CFAP65: variants seen among roughly 807,000 people sequenced by gnomAD.
The protein encoded by CFAP65 is cilia- and flagella-associated protein 65.
A neutral mutation model predicts 208.0 loss-of-function variants in CFAP65; 155 were observed. The ratio of observed to expected loss-of-function variants is 0.75; its 90% CI spans 0.65 to 0.85. The LOEUF is 0.85. Ranked by LOEUF, CFAP65 falls within the 40% of genes least tolerant of loss-of-function variation. The probability of loss-of-function intolerance (pLI) is 0.00; values close to 1 mark genes in which losing one functional copy is unlikely to be tolerated. For missense variants in CFAP65, 2,294 were observed against 2,451.3 expected (o/e 0.94, Z 1.36); for synonymous variants, 970 against 986.3 (o/e 0.98, Z 0.31).
chr2:219,029,686 G>A lies in CFAP65; in HGVS notation c.1385-18C>T. 6.2e-7 allele frequency: 1 copy of A among 1,607,762 alleles called. No homozygotes were observed. Among genetic ancestry groups the A allele is most frequent in the Non-Finnish European group, 8.5e-7 (1 of 1,175,520 alleles). ...AGCAGGGCCTGGACACAGGAGATGG[G>A]GTATCAGCTTCCCCAAGGATATCTT... On this transcript the variant is annotated intron_variant, in intron 10 of 34. Transcript: ENST00000341552.
At chr2:219,023,478 C>A (rs191881042) in intron 15 of CFAP65, 47 bp from the exon 16 acceptor site, 963 of 1,347,462 alleles carry the variant, frequency 7.1e-4, no homozygotes, top group Admixed American at 9.5e-4. Flanking sequence ...ACTCTGCAGT[C>A]CCAGCCCCCC....
chr2:219,003,834 G>T lies in CFAP65; in HGVS notation c.5555+118C>A. 8.0e-7 allele frequency: 1 copy of T among 1,251,594 alleles called. No individual in the cohort carries two copies. The highest frequency in any genetic ancestry group is 1.1e-6 in the Non-Finnish European group (1 of 895,270). The allele number at this position is 1,251,594 out of a possible 1,614,324, so 77.5% of individuals were successfully genotyped here. A position where few individuals can be genotyped will look rare whatever the true frequency, so the allele number is the denominator to read the frequency against. On this transcript the variant is annotated intron_variant, in intron 33 of 34. Transcript: ENST00000341552. The surrounding 1 kb of genome is among the most constrained non-coding windows in gnomAD (Gnocchi z 4.4). ...TAAGCTACCAACATGACCTCACTAA[G>T]CACTGAATTAGGATGAGATGTGCAT... is the stretch of plus-strand genomic sequence containing the variant.
At chr2:219,017,120 G>T (rs1452614352) in intron 21 of CFAP65, among the ~76,000 whole-genome samples, 2 of 152,232 alleles carry the variant, frequency 1.3e-5, no homozygotes, top group Admixed American at 6.5e-5. Flanking sequence ...AAGAGACTGG[G>T]CCCATCCACA....
chr2:219,009,117 T>C lies in CFAP65; in HGVS notation c.4604A>G (p.Glu1535Gly). The change falls in exon 29 of 35, where the codon GAG becomes GGG. Residue 1535 changes from glutamate to glycine, a missense_variant. Transcript: ENST00000341552. ...SQQLMRQYHK[E>G]LQEWKDEKVR... ...CTTCTCGTCCTTCCACTCCTGCAGC[T>C]CCTTGTGATACTGCCTCATGAGCTG... The C allele has an allele frequency of 6.2e-7, 1 of 1,612,886 alleles. No homozygotes were observed. Among genetic ancestry groups the C allele is most frequent in the East Asian group, 2.2e-5 (1 of 44,886 alleles).
At chr2:219,029,718 A>T (rs1314158243) in intron 10 of CFAP65, 50 bp from the exon 11 acceptor site, 1 of 1,586,780 alleles carries the variant, frequency 6.3e-7, no homozygotes, top group Non-Finnish European at 8.6e-7. Flanking sequence ...TCTTAGACAA[A>T]GTTCCACTGA....
At chr2:219,012,193 T>C (rs892778432) in intron 24 of CFAP65, among the ~76,000 whole-genome samples, 3 of 152,242 alleles carry the variant, frequency 2.0e-5, no homozygotes, top group African/African-American at 7.2e-5. Context: ...ACCCAATCTA[T>C]GGTAACTTGT....
intron 21 of CFAP65, among the ~76,000 whole-genome samples, chr2:219,017,293 C>T (rs1383138204): frequency 6.6e-6 from 1 of 152,224 alleles, no homozygotes; most frequent in Non-Finnish European, 1.5e-5. Context: ...AAGGCCAGGG[C>T]CAGGTAAAGC....
At position 219,027,769 on chromosome 2, in the gene CFAP65, C is replaced by T. The variant is rs371180100; in HGVS notation, c.2092G>A (p.Val698Met). 1.2e-6 allele frequency: 2 copies of T among 1,613,974 alleles called. No individual in the cohort carries two copies. The highest frequency in any genetic ancestry group is 1.3e-5 in the African/African-American group (1 of 74,918). Reference sequence around the variant, plus strand: ...GGCACGTCGCAGCTCTCTGGAGTCACCCAGAAGGGGCAGTCAGACCTTCGC... The same window carrying T: ...GGCACGTCGCAGCTCTCTGGAGTCATCCAGAAGGGGCAGTCAGACCTTCGC... ...WTRRSDCPFW[V>M]TPESCDVPPL... The change falls in exon 13 of 35, where the codon GTG becomes ATG. Residue 698 changes from valine (V) to methionine (M), a missense_variant. Val to Met is a conservative substitution (Grantham distance 21). Around this residue, in one of 2 missense-constraint regions of CFAP65, gnomAD observed 867 missense variants for 1,012.6 expected, o/e 0.86. Transcript: ENST00000341552.
rs754286606 is a variant in CFAP65 at position 219,009,115 on chromosome 2, G to C, written c.4606C>G (p.Leu1536Val). The C allele has an allele frequency of 1.6e-5, 25 of 1,612,822 alleles. No individual in the cohort carries two copies. The South Asian group carries it at 2.4e-4, about 16-fold the overall frequency. Residue 1536 changes from leucine (L) to valine (V), a missense_variant, in exon 29 of 35, where the codon CTG becomes GTG. Around this residue, in one of 2 missense-constraint regions of CFAP65, gnomAD observed 1,427 missense variants for 1,438.7 expected, o/e 0.99. Transcript: ENST00000341552. ...QQLMRQYHKE[L>V]QEWKDEKVRQ... is the part of the protein sequence containing the mutation. ...ACCTTCTCGTCCTTCCACTCCTGCA[G>C]CTCCTTGTGATACTGCCTCATGAGC...
chr2:219,022,744 C>T (rs1232903039), intron 16 of CFAP65, among the ~76,000 whole-genome samples: 3 of 152,320 alleles, frequency 2.0e-5, no homozygotes, highest in East Asian at 1.9e-4. Context: ...CTCCCCAACC[C>T]GTCGGTAAGG....
chr2:219,027,356 G>A (rs1670751459), intron 13 of CFAP65: 2 of 1,451,704 alleles, frequency 1.4e-6, no homozygotes, highest in Non-Finnish European at 9.1e-7. Flanking sequence ...CTAGCCAGGA[G>A]CCCCAGGGAG....
intron 21 of CFAP65, among the ~76,000 whole-genome samples, chr2:219,016,216 C>T (rs1326805019): frequency 6.6e-6 from 1 of 151,004 alleles, no homozygotes; most frequent in Non-Finnish European, 1.5e-5. Flanking sequence ...GGAGACCTTG[C>T]TAGTTTGGGG....
In CFAP65 at chr2:219,022,347, A is replaced by C; in HGVS notation, c.2821-18T>G. ...GTCAGCGTCTGGGGTCACAGAAATG[A>C]TCCCTGCAGTGGCCTTCGGAAGCCC... On this transcript the variant is annotated intron_variant, in intron 16 of 34. Coordinates refer to ENST00000341552, the MANE Select transcript of CFAP65 (RefSeq NM_194302.4). The C allele has an allele frequency of 6.3e-7, 1 of 1,584,226 alleles. No individual in the cohort carries two copies. Among genetic ancestry groups the C allele is most frequent in the Non-Finnish European group, 8.6e-7 (1 of 1,165,090 alleles).
rs778634556 is a variant in CFAP65 at position 219,031,128 on chromosome 2, G to A, written c.993C>T (p.Ser331=). Residue 331 remains serine, a synonymous_variant, in exon 8 of 35, where the codon AGC becomes AGT. Coordinates refer to ENST00000341552, the MANE Select transcript of CFAP65 (RefSeq NM_194302.4). This position sits in a 1 kb window ranked among gnomAD's most constrained non-coding sequence, Gnocchi z 5.2. ...CWYGAGSRQR[S]SIQLQAVAKC... is the part of the protein sequence containing the mutation. Reference sequence around the variant, plus strand: ...CACCCACAGCCTGCAGCTGGATGCTGCTCCTCTGCCGGCTGCCCGCCCCGT... The same window carrying A: ...CACCCACAGCCTGCAGCTGGATGCTACTCCTCTGCCGGCTGCCCGCCCCGT... The A allele has an allele frequency of 1.1e-5, 18 of 1,597,250 alleles. No homozygotes were observed. Among genetic ancestry groups the A allele is most frequent in the Non-Finnish European group, 1.5e-5 (17 of 1,171,992 alleles).
At position 219,004,445 on chromosome 2, in the gene CFAP65, C is replaced by A. The variant is rs1195817852; in HGVS notation, c.5062G>T (p.Glu1688Ter). The A allele has an allele frequency of 6.2e-7, 1 of 1,607,462 alleles. No individual in the cohort carries two copies. The change falls in exon 33 of 35, where the codon GAA (glutamate) becomes TAA (stop). Residue 1688 changes from glutamate to a stop codon, truncating the protein, a stop_gained. Coordinates refer to ENST00000341552, the MANE Select transcript of CFAP65 (RefSeq NM_194302.4). LOFTEE classifies it high-confidence loss of function. The surrounding 1 kb of genome is among the most constrained non-coding windows in gnomAD (Gnocchi z 4.7). ...ILTTIIRGLL[E>*]DKNFHEAVDQ... is the part of the protein sequence containing the mutation. ...ACAGCCTCATGGAAGTTCTTGTCTT[C>A]CAGCAGGCCCCTAGGTGGCAGGGAG... is the stretch of plus-strand genomic sequence containing the variant.
intron 30 of CFAP65, 116 bp downstream of exon 30, chr2:219,006,349 G>T: frequency 1.3e-6 from 2 of 1,489,114 alleles, no homozygotes; most frequent in Non-Finnish European, 1.9e-6. Context: ...CCACTCATTG[G>T]CACTTTCATC....
intron 16 of CFAP65, 56 bp downstream of exon 16, chr2:219,023,151 A>G (rs1947378951): frequency 6.8e-7 from 1 of 1,461,920 alleles, no homozygotes; most frequent in African/African-American, 1.4e-5. Context: ...ATAGGCACAA[A>G]TAAGAGATGA....
intron 24 of CFAP65, among the ~76,000 whole-genome samples, chr2:219,012,056 C>T (rs985535612): frequency 6.6e-6 from 1 of 152,316 alleles, no homozygotes; most frequent in South Asian, 2.1e-4. Context: ...AGCCACTGAA[C>T]CAGGAAGTGG....
At chr2:219,030,603 A>T in intron 9 of CFAP65, 86 bp downstream of exon 9, 1 of 1,526,434 alleles carries the variant, frequency 6.6e-7, no homozygotes, top group South Asian at 1.2e-5. Context: ...ATGGAGAGAA[A>T]GGGGGGGCAT....
Sources: gnomAD v4.1 joint callset for allele counts (sites outside exome capture counted in the v4.1 genomes callset) on GRCh38, gnomAD v4.1.1 for gene constraint, gnomAD v4.1.1 regional missense constraint, Gnocchi (gnomAD v3.1) non-coding constraint, MANE v1.5 for transcripts, NCBI Gene and HGNC (gene_info 2026-07-23, HGNC 2026-07-21) for gene names.